RNF17: variants seen among roughly 807,000 people sequenced by gnomAD.
RNF17 encodes ring finger protein 17.
RNF17 carries 31 observed loss-of-function variants against 200.5 expected under a neutral mutation model. The observed-to-expected ratio is 0.15, with a 90% CI of 0.12 to 0.21. RNF17 has a LOEUF of 0.21. RNF17 is among the 10% of genes least tolerant of loss of function. The pLI, the probability that RNF17 is intolerant of heterozygous loss-of-function variation, is 1.00. For synonymous variants in RNF17, 606 were observed against 637.8 expected, an observed-to-expected ratio of 0.95 and a Z score of 0.75; for missense variants, 1,628 against 1,905.1, an observed-to-expected ratio of 0.85 and a Z score of 2.71.
chr13:24,887,638 G>A, the RNF17 span, among the ~76,000 whole-genome samples: 2 of 151,782 alleles, frequency 1.3e-5, no homozygotes, highest in Non-Finnish European at 2.9e-5. Context: ...ATTATGGTGA[G>A]TTGTATAATT....
chr13:24,849,925 T>C (rs79323112), intron 22 of RNF17, among the ~76,000 whole-genome samples: 19,102 of 152,210 alleles, frequency 0.13, 1,302 homozygotes, highest in Admixed American at 0.15. Context: ...ATGGCTTCTA[T>C]GTGACAGGGC....
upstream of RNF17, among the ~76,000 whole-genome samples, chr13:24,763,077 A>G (rs1420995028): frequency 6.6e-6 from 1 of 152,088 alleles, no homozygotes; most frequent in Non-Finnish European, 1.5e-5. Context: ...TGTAAGTACT[A>G]CCTAGGTTGT....
At chr13:24,868,185 C>A (rs1893839294) in intron 30 of RNF17, among the ~76,000 whole-genome samples, 1 of 152,110 alleles carries the variant, frequency 6.6e-6, no homozygotes, top group Non-Finnish European at 1.5e-5. Flanking sequence ...AGAGAGCTTG[C>A]TGGGGCCGGG....
At chr13:24,879,155 G>A in intron 34 of RNF17, 32 bp from the exon 35 acceptor site, 1 of 1,537,862 alleles carries the variant, frequency 6.5e-7, no homozygotes, top group Non-Finnish European at 9.0e-7. Context: ...AGACATTACT[G>A]TTTTCTTGAC....
At chr13:24,808,395 T>C (rs1886158265) in intron 15 of RNF17, among the ~76,000 whole-genome samples, 1 of 148,878 alleles carries the variant, frequency 6.7e-6, no homozygotes, top group Non-Finnish European at 1.5e-5. Context: ...TATTTTATTC[T>C]CTTTGAAGCA....
upstream of RNF17, among the ~76,000 whole-genome samples, chr13:24,763,366 C>T (rs1371384466): frequency 9.0e-6 from 1 of 111,556 alleles, no homozygotes; most frequent in Non-Finnish European, 1.8e-5. Context: ...CCACGTCCGG[C>T]TAATTTTTTT....
At chr13:24,800,614 T>A in intron 13 of RNF17, 80 bp downstream of exon 13, 1 of 1,148,024 alleles carries the variant, frequency 8.7e-7, no homozygotes, top group Non-Finnish European at 1.2e-6. Context: ...TTGCTAAGTA[T>A]AGGCTCAGGG....
At chr13:24,887,307 T>A in the RNF17 span, among the ~76,000 whole-genome samples, 17,472 of 152,198 alleles carry the variant, frequency 0.11, 1,126 homozygotes, top group Middle Eastern at 0.16. Flanking sequence ...AACCCCACGG[T>A]ATACTGGTCT....
At chr13:24,766,855 G>A (rs1258641005) in intron 1 of RNF17, among the ~76,000 whole-genome samples, 1 of 152,202 alleles carries the variant, frequency 6.6e-6, no homozygotes, top group East Asian at 1.9e-4. Context: ...TAATGCAAAT[G>A]CTATTACATA....
the RNF17 span, among the ~76,000 whole-genome samples, chr13:24,886,565 G>C: frequency 6.6e-6 from 1 of 152,160 alleles, no homozygotes; most frequent in Non-Finnish European, 1.5e-5. Flanking sequence ...AAAAAGTACT[G>C]GGAGTACACA....
intron 5 of RNF17, among the ~76,000 whole-genome samples, chr13:24,780,809 G>C (rs1419489061): frequency 6.6e-6 from 1 of 152,096 alleles, no homozygotes; most frequent in East Asian, 1.9e-4. Context: ...TTGAACCCGG[G>C]AGACGGAGGT....
chr13:24,863,292 T>C (rs1310205265), intron 28 of RNF17, among the ~76,000 whole-genome samples: 3 of 152,120 alleles, frequency 2.0e-5, no homozygotes, highest in Non-Finnish European at 4.4e-5. Flanking sequence ...AATTTAGAGA[T>C]GGTGAGAATT....
intron 2 of RNF17, among the ~76,000 whole-genome samples, chr13:24,769,064 C>T (rs1880267572): frequency 1.4e-5 from 2 of 145,668 alleles, no homozygotes; most frequent in Admixed American, 1.4e-4. Flanking sequence ...AGTGAGCCCT[C>T]CTCATGTGGT....
intron 15 of RNF17, among the ~76,000 whole-genome samples, chr13:24,813,404 CCTTGGCCTCCCAA>C (rs537766127): frequency 4.6e-4 from 70 of 152,300 alleles, no homozygotes; most frequent in Non-Finnish European, 8.1e-4. Flanking sequence ...GATCCTCCCA[CCTTGGCCTCCCAA>C]AGTGCTGGTA....
rs146306534 is a variant in RNF17 at position 24,787,855 on chromosome 13, A to G, written c.612-133A>G. The G allele has an allele frequency of 9.7e-4, 545 of 563,970 alleles. 5 individuals carry two copies. The highest frequency in any genetic ancestry group is 9.6e-3 in the African/African-American group (489 of 51,112). The allele number at this position is 563,970 out of a possible 1,614,324, so 34.9% of individuals were successfully genotyped here. On this transcript the variant is annotated intron_variant, in intron 6 of 35. Transcript: ENST00000255324. ...GTACCCTTTCAGATACAGTTCAGTT[A>G]CTGTTTGCCTCATTTAACCATATTA... is the stretch of plus-strand genomic sequence containing the variant.
rs557699235 is a variant in RNF17, at chr13:24,824,630, G to A, written c.2092-989G>A. On this transcript the variant is annotated intron_variant, in intron 15 of 35. Transcript: ENST00000255324. ...GCACCATTTAATAAGAGAAAAGTCT[G>A]TATTACTAAAGAATGCAATCATTCC... Among the ~76,000 whole-genome samples, 387 of 152,218 alleles carry A rather than the reference G, an allele frequency of 2.5e-3. 6 individuals are homozygous for A. The highest frequency in any genetic ancestry group is 9.2e-3 in the African/African-American group (383 of 41,532).
intron 5 of RNF17, among the ~76,000 whole-genome samples, chr13:24,780,746 G>T (rs1882239459): frequency 6.6e-6 from 1 of 152,088 alleles, no homozygotes; most frequent in Admixed American, 6.5e-5. Context: ...GCCGGGCATG[G>T]TGGCACCCAC....
downstream of RNF17, among the ~76,000 whole-genome samples, chr13:24,881,482 T>A (rs1593520332): frequency 6.6e-6 from 1 of 152,164 alleles, no homozygotes; most frequent in Non-Finnish European, 1.5e-5. Flanking sequence ...TTGTCTCATT[T>A]AAAAATCCTT....
chr13:24,749,478 C>T, the RNF17 span, among the ~76,000 whole-genome samples: 1 of 151,930 alleles, frequency 6.6e-6, no homozygotes, highest in Non-Finnish European at 1.5e-5. Flanking sequence ...TGGCCTAGAA[C>T]TTTCTGAGTA....
Sources: gnomAD v4.1 joint callset for allele counts (sites outside exome capture counted in the v4.1 genomes callset) on GRCh38, gnomAD v4.1.1 for gene constraint, MANE v1.5 for transcripts, NCBI Gene and HGNC (gene_info 2026-07-23, HGNC 2026-07-21) for gene names.